Variants in CTNND2 observed in about 807,000 individuals in gnomAD.
CTNND2 encodes the protein catenin delta 2, also known as catenin delta-2.
A neutral mutation model predicts 144.4 loss-of-function variants in CTNND2; 22 were observed. The observed-to-expected ratio is 0.15, with a 90% CI of 0.11 to 0.22. The LOEUF (loss-of-function observed/expected upper bound fraction) is 0.22, where lower values mean the gene tolerates loss of function less well. CTNND2 is among the 10% of genes least tolerant of loss of function. CTNND2 has a pLI of 1.00. For synonymous variants in CTNND2, 751 were observed against 695.6 expected, an observed-to-expected ratio of 1.08 and a Z score of -1.25; for missense variants, 1,353 against 1,618.8, an observed-to-expected ratio of 0.84 and a Z score of 2.82.
intron 1 of CTNND2, among the ~76,000 whole-genome samples, chr5:11,763,432 G>A (rs1175321697): frequency 1.3e-5 from 2 of 152,118 alleles, no homozygotes; most frequent in East Asian, 1.9e-4. Flanking sequence ...AACTCCTGTA[G>A]GTCATTTCAT....
At chr5:11,014,324 G>T (rs1473169239) in intron 18 of CTNND2, among the ~76,000 whole-genome samples, 3 of 152,000 alleles carry the variant, frequency 2.0e-5, no homozygotes, top group Non-Finnish European at 2.9e-5. Context: ...AAGTCCCAAG[G>T]TTCTAAAAAG....
rs3033106 is a variant in CTNND2 at position 11,233,716 on chromosome 5, C to CTGTGTGTGTG, written c.1761+2965_1761+2974dup. Reference sequence around the variant, plus strand: ...AGAATCCTTATTAGAGTTTACGTGTCTGTGTGTGTGTGTGTGTGTGTGTGT... The same window carrying CTGTGTGTGTG: ...AGAATCCTTATTAGAGTTTACGTGTCTGTGTGTGTGTGTGTGTGTGTGTGTGTGTGTGTGT... On this transcript the variant is annotated intron_variant, in intron 10 of 21. Coordinates refer to ENST00000304623, the MANE Select transcript of CTNND2 (RefSeq NM_001332.4). Among the ~76,000 whole-genome samples the CTGTGTGTGTG allele has an allele frequency of 9.4e-3, 1,396 of 148,322 alleles. 13 individuals are homozygous for CTGTGTGTGTG. The highest frequency in any genetic ancestry group is 0.029 in the African/African-American group (1,168 of 40,248).
intron 3 of CTNND2, among the ~76,000 whole-genome samples, chr5:11,450,227 G>A (rs1172175190): frequency 6.6e-6 from 1 of 152,134 alleles, no homozygotes; most frequent in Non-Finnish European, 1.5e-5. Context: ...TGCCCCACAT[G>A]AGAAACCTGG....
At chr5:11,433,848 T>C (rs967551450) in intron 3 of CTNND2, among the ~76,000 whole-genome samples, 2 of 152,162 alleles carry the variant, frequency 1.3e-5, no homozygotes, top group Non-Finnish European at 2.9e-5. Context: ...ATATCAGTTG[T>C]AAAGGTACCA....
intron 11 of CTNND2, among the ~76,000 whole-genome samples, chr5:11,186,712 T>C (rs922940546): frequency 6.6e-6 from 1 of 152,218 alleles, no homozygotes; most frequent in Non-Finnish European, 1.5e-5. Flanking sequence ...GCTAAATGTG[T>C]GGATTCCCAA....
intron 3 of CTNND2, among the ~76,000 whole-genome samples, chr5:11,525,612 C>G (rs1773173001): frequency 6.6e-6 from 1 of 152,222 alleles, no homozygotes; most frequent in Non-Finnish European, 1.5e-5. Context: ...TCCAACACCA[C>G]AAGTAAGTTC....
chr5:11,578,335 T>A (rs377325941), intron 2 of CTNND2, among the ~76,000 whole-genome samples: 3 of 152,124 alleles, frequency 2.0e-5, no homozygotes, highest in Non-Finnish European at 4.4e-5. Context: ...CAATGATTGA[T>A]TTAGGGTATA....
chr5:11,716,216 C>T (rs1786342061), intron 2 of CTNND2, among the ~76,000 whole-genome samples: 1 of 152,194 alleles, frequency 6.6e-6, no homozygotes, highest in Non-Finnish European at 1.5e-5. Context: ...TGTGATACTA[C>T]ATCATTATCA....
At chr5:11,278,003 T>C (rs1488211393) in intron 9 of CTNND2, among the ~76,000 whole-genome samples, 2 of 152,200 alleles carry the variant, frequency 1.3e-5, no homozygotes, top group Non-Finnish European at 2.9e-5. Context: ...CAGTAGTTAC[T>C]TCTTTTCTTA....
chr5:11,871,880 T>C (rs2127051492), intron 1 of CTNND2, among the ~76,000 whole-genome samples: 2 of 152,326 alleles, frequency 1.3e-5, no homozygotes, highest in Middle Eastern at 6.8e-3. Flanking sequence ...CGTAAAGATG[T>C]AGGATATTTC....
intron 2 of CTNND2, among the ~76,000 whole-genome samples, chr5:11,617,243 T>C (rs1406049965): frequency 1.3e-5 from 2 of 152,220 alleles, no homozygotes; most frequent in African/African-American, 2.4e-5. Context: ...GTTACGACAC[T>C]GATGTTGGCT....
rs1386741058 is a variant in CTNND2, at chr5:11,161,483, C to G, written c.1976-1724G>C. 2.6e-5 allele frequency among the ~76,000 whole-genome samples: 4 copies of G among 152,274 alleles called. No homozygotes were observed. In the East Asian group the frequency reaches 7.7e-4, roughly 29 times the overall value. On this transcript the variant is annotated intron_variant, in intron 11 of 21. Coordinates refer to ENST00000304623, the MANE Select transcript of CTNND2 (RefSeq NM_001332.4). ...TGCATCTATCTTGTTTTAAATAAAA[C>G]ACAAAGCTGCTTATTCATCCATTGA...
chr5:11,447,012 CACAT>C (rs1338756109), intron 3 of CTNND2, among the ~76,000 whole-genome samples: 2 of 152,084 alleles, frequency 1.3e-5, no homozygotes, highest in Non-Finnish European at 2.9e-5. Flanking sequence ...CACACACACA[CACAT>C]ACATATCTCT....
At chr5:11,715,278 T>C (rs768431953) in intron 2 of CTNND2, among the ~76,000 whole-genome samples, 1 of 152,212 alleles carries the variant, frequency 6.6e-6, no homozygotes, top group Non-Finnish European at 1.5e-5. Flanking sequence ...AAATGCTTTA[T>C]TGAAATCACG....
intron 1 of CTNND2, among the ~76,000 whole-genome samples, chr5:11,797,029 C>T (rs191190010): frequency 6.6e-6 from 1 of 152,234 alleles, no homozygotes; most frequent in East Asian, 1.9e-4. Flanking sequence ...TTATATGTAT[C>T]TACTAGCAGT....
intron 9 of CTNND2, among the ~76,000 whole-genome samples, chr5:11,252,258 A>T (rs1282070906): frequency 6.6e-6 from 1 of 152,160 alleles, no homozygotes; most frequent in Non-Finnish European, 1.5e-5. Flanking sequence ...TCAATGAGAG[A>T]CTTGACAGCC....
chr5:11,596,117 G>A (rs1581583339), intron 2 of CTNND2, among the ~76,000 whole-genome samples: 1 of 152,230 alleles, frequency 6.6e-6, no homozygotes, highest in South Asian at 2.1e-4. Context: ...AGTATTTTTT[G>A]TTTATTACCA....
intron 1 of CTNND2, among the ~76,000 whole-genome samples, chr5:11,819,095 A>G (rs1238317438): frequency 6.6e-6 from 1 of 152,168 alleles, no homozygotes; most frequent in Non-Finnish European, 1.5e-5. Flanking sequence ...TGTACAGTAG[A>G]CATTCAATAA....
chr5:11,662,242 T>TAC (rs1561669466), intron 2 of CTNND2, among the ~76,000 whole-genome samples: 2 of 138,340 alleles, frequency 1.4e-5, no homozygotes, highest in Admixed American at 7.1e-5. Flanking sequence ...TGTATATATA[T>TAC]ACATATATGT....
Sources: allele counts gnomAD v4.1 joint callset (sites outside exome capture counted in the v4.1 genomes callset), GRCh38; gene constraint gnomAD v4.1.1; transcripts MANE v1.5; gene names NCBI Gene and HGNC (gene_info 2026-07-23, HGNC 2026-07-21).